Variants in CAMK4 observed in about 807,000 individuals in gnomAD.
The protein encoded by CAMK4 is calcium/calmodulin dependent protein kinase IV.
A neutral mutation model predicts 44.9 loss-of-function variants in CAMK4; 22 were observed. The ratio of observed to expected loss-of-function variants is 0.49; its 90% confidence interval spans 0.35 to 0.70. The LOEUF is 0.70. CAMK4 is among the 30% of genes least tolerant of loss of function. The pLI is 0.01. For missense variants in CAMK4, 498 were observed against 586.8 expected (o/e 0.85, Z 1.56); for synonymous variants, 218 against 215.4 (o/e 1.01, Z -0.11).
In CAMK4 at chr5:111,224,424, G is replaced by C; in HGVS notation, c.-60G>C. ...GTTCGCAGGCGGCGGCTGGCGGCCG[G>C]CTTCTCGCTCGGGCAGCGGCGGCGG... On this transcript the variant is annotated 5_prime_UTR_variant, in exon 1 of 11. Coordinates refer to ENST00000282356, the MANE Select transcript of CAMK4 (RefSeq NM_001744.6). The surrounding 1 kb of genome is among the most constrained non-coding windows in gnomAD (Gnocchi z 5.7). 6.6e-7 allele frequency: 1 copy of C among 1,512,322 alleles called. No homozygotes were observed. Among genetic ancestry groups the C allele is most frequent in the Non-Finnish European group, 8.8e-7 (1 of 1,133,958 alleles). The allele number at this position is 1,512,322 out of a possible 1,614,324, so 93.7% of individuals were successfully genotyped here.
intron 1 of CAMK4, among the ~76,000 whole-genome samples, chr5:111,259,591 A>G (rs994961960): frequency 6.6e-6 from 1 of 152,212 alleles, no homozygotes; most frequent in Non-Finnish European, 1.5e-5. Context: ...TCTTTTATCC[A>G]GGCAATAACG....
intron 7 of CAMK4, among the ~76,000 whole-genome samples, chr5:111,462,132 T>C (rs1430916789): frequency 6.6e-6 from 1 of 152,200 alleles, no homozygotes; most frequent in African/African-American, 2.4e-5. Flanking sequence ...CACAGGGTCT[T>C]TGCATAACTT....
Position 111,417,609 on chromosome 5 carries a change from G to A in CAMK4, c.459+22827G>A, listed in dbSNP as rs570274653. ...GGGCTCAAGTGATCCTCCTGCCTTG[G>A]ATTCCCAAAATACTGGGATTACAGA... On this transcript the variant is annotated intron_variant, in intron 5 of 10. Transcript: ENST00000282356. 3.9e-5 allele frequency among the ~76,000 whole-genome samples: 6 copies of A among 152,214 alleles called. No homozygotes were observed. In the South Asian group the frequency reaches 1.2e-3, roughly 32 times the overall value.
intron 1 of CAMK4, among the ~76,000 whole-genome samples, chr5:111,277,172 G>C (rs1447636959): frequency 6.6e-6 from 1 of 152,190 alleles, no homozygotes; most frequent in Non-Finnish European, 1.5e-5. Context: ...TTTACAGACA[G>C]AACGCATGAA....
At chr5:111,326,269 A>G (rs887107570) in intron 1 of CAMK4, among the ~76,000 whole-genome samples, 11 of 151,998 alleles carry the variant, frequency 7.2e-5, no homozygotes, top group South Asian at 4.1e-4. Flanking sequence ...ATAAAAGGGA[A>G]TATCTCTATA....
At chr5:111,426,209 TAACA>T (rs1430158262) in intron 5 of CAMK4, among the ~76,000 whole-genome samples, 3 of 152,312 alleles carry the variant, frequency 2.0e-5, no homozygotes, top group East Asian at 1.9e-4. Flanking sequence ...GCAATGTTAA[TAACA>T]AACAATTCTG....
At chr5:111,382,542 A>G (rs1275963961) in intron 4 of CAMK4, among the ~76,000 whole-genome samples, 1 of 152,214 alleles carries the variant, frequency 6.6e-6, no homozygotes, top group East Asian at 1.9e-4. Flanking sequence ...GAATATAATG[A>G]GGAACATTTT....
Position 111,394,740 on chromosome 5 carries a change from A to G in CAMK4, c.417A>G (p.Arg139=). ...TGGAAAAGGGATATTACAGTGAGCG[A>G]GATGCTGCAGATGCCGTTAAACAAA... The part of the protein sequence containing the change: ...RIVEKGYYSE[R]DAADAVKQIL... Residue 139 remains arginine (R), a synonymous_variant, in exon 5 of 11, where the codon CGA becomes CGG. Coordinates refer to ENST00000282356, the MANE Select transcript of CAMK4 (RefSeq NM_001744.6). 1 of 1,613,040 alleles carries G rather than the reference A, an allele frequency of 6.2e-7. No homozygotes were observed. The highest frequency in any genetic ancestry group is 8.5e-7 in the Non-Finnish European group (1 of 1,179,250).
chr5:111,364,520 T>G (rs1750716357), intron 2 of CAMK4, among the ~76,000 whole-genome samples: 1 of 152,124 alleles, frequency 6.6e-6, no homozygotes. Flanking sequence ...TAGGTTTGTA[T>G]TTAGAATCTA....
At chr5:111,293,264 C>T (rs754389156) in intron 1 of CAMK4, among the ~76,000 whole-genome samples, 4 of 152,088 alleles carry the variant, frequency 2.6e-5, no homozygotes, top group Non-Finnish European at 4.4e-5. Flanking sequence ...AGAAGCCAAT[C>T]CTTATTATTT....
upstream of CAMK4, chr5:111,223,979 T>A (rs2112478734): frequency 6.5e-6 from 1 of 153,940 alleles, no homozygotes; most frequent in South Asian, 2.0e-4. The surrounding 1 kb of genome is among the most constrained non-coding windows in gnomAD (Gnocchi z 4.3). Context: ...AGGGTACGCC[T>A]GGCGCCCGCC....
chr5:111,412,091 T>TAA (rs1366283156), intron 5 of CAMK4, among the ~76,000 whole-genome samples: 1 of 152,086 alleles, frequency 6.6e-6, no homozygotes, highest in Non-Finnish European at 1.5e-5. Flanking sequence ...ATTAAAAAAT[T>TAA]AAAATCTGAA....
At chr5:111,250,482 A>G (rs1561362219) in intron 1 of CAMK4, among the ~76,000 whole-genome samples, 2 of 152,142 alleles carry the variant, frequency 1.3e-5, no homozygotes. Flanking sequence ...TTTGCTACCC[A>G]TTTTCAATGC....
intron 7 of CAMK4, 138 bp downstream of exon 7, chr5:111,449,341 A>G (rs181901066): frequency 9.7e-6 from 5 of 513,070 alleles, no homozygotes; most frequent in Non-Finnish European, 3.5e-6. Context: ...TGAGGAAGGC[A>G]TACATAAATA....
chr5:111,427,093 C>G (rs1233783852), intron 5 of CAMK4, among the ~76,000 whole-genome samples: 2 of 152,136 alleles, frequency 1.3e-5, no homozygotes, highest in South Asian at 4.1e-4. Flanking sequence ...ACACCCCTTC[C>G]TTTTGCTTAA....
intron 2 of CAMK4, chr5:111,358,069 G>C (rs903871601): frequency 1.3e-5 from 2 of 152,090 alleles, no homozygotes; most frequent in African/African-American, 4.8e-5. Flanking sequence ...TTATTTACCT[G>C]ATAAAGGATG....
chr5:111,257,343 G>A (rs1351262661), intron 1 of CAMK4, among the ~76,000 whole-genome samples: 2 of 152,166 alleles, frequency 1.3e-5, no homozygotes, highest in Non-Finnish European at 2.9e-5. Context: ...CGAAGGACAT[G>A]AACAGACACT....
At chr5:111,245,799 A>G (rs1271513765) in intron 1 of CAMK4, among the ~76,000 whole-genome samples, 2 of 152,258 alleles carry the variant, frequency 1.3e-5, no homozygotes, top group African/African-American at 4.8e-5. Context: ...TATAAACAAA[A>G]CTTAACACAA....
intron 1 of CAMK4, among the ~76,000 whole-genome samples, chr5:111,265,184 C>A (rs1282179879): frequency 2.0e-5 from 3 of 152,136 alleles, no homozygotes; most frequent in Non-Finnish European, 4.4e-5. Context: ...CACCAAAACA[C>A]CCCCTGAAAC....
Sources: allele counts gnomAD v4.1 joint callset (sites outside exome capture counted in the v4.1 genomes callset), GRCh38; gene constraint gnomAD v4.1.1; non-coding constraint Gnocchi (gnomAD v3.1); transcripts MANE v1.5; gene names NCBI Gene and HGNC (gene_info 2026-07-23, HGNC 2026-07-21).